The following CFH variants were observed in gnomAD, a reference collection of about 807,000 sequenced individuals.
The protein encoded by CFH is H factor 1 (complement).
In CFH, 53 loss-of-function variants were observed where a neutral mutation model predicts 147.3. The ratio of observed to expected loss-of-function variants is 0.36; its 90% CI spans 0.29 to 0.45. CFH has a LOEUF of 0.45. Among genes scored for constraint, CFH ranks in the 20% least tolerant of loss-of-function variants. The probability of loss-of-function intolerance (pLI) is 1.00; values close to 1 mark genes in which losing one functional copy is unlikely to be tolerated. For missense variants in CFH, 1,380 were observed against 1,498.0 expected, an observed-to-expected ratio of 0.92 and a Z score of 1.30; for synonymous variants, 536 against 489.4, an observed-to-expected ratio of 1.10 and a Z score of -1.26.
chr1:196,716,838 T>C (rs1424435572), intron 11 of CFH, among the ~76,000 whole-genome samples: 1 of 152,112 alleles, frequency 6.6e-6, no homozygotes, highest in Non-Finnish European at 1.5e-5. Flanking sequence ...AACTTTTGAC[T>C]TGGACACATT....
intron 1 of CFH, among the ~76,000 whole-genome samples, chr1:196,660,683 T>C (rs1666868127): frequency 6.6e-6 from 1 of 152,180 alleles, no homozygotes; most frequent in African/African-American, 2.4e-5. Flanking sequence ...ACCAGAATTT[T>C]AAGTACTATT....
At chr1:196,740,337 T>G (rs758119379) in intron 17 of CFH, among the ~76,000 whole-genome samples, 14 of 152,220 alleles carry the variant, frequency 9.2e-5, no homozygotes, top group Non-Finnish European at 1.8e-4. Flanking sequence ...TGTATCTTAT[T>G]ATCACTAGTA....
chr1:196,709,872 T>C (rs141642384), intron 9 of CFH, among the ~76,000 whole-genome samples: 6 of 152,074 alleles, frequency 3.9e-5, no homozygotes, highest in South Asian at 4.2e-4. Flanking sequence ...AGCCGGGCAT[T>C]ATGGCACAGG....
chr1:196,725,704 C>T (rs1669119790), intron 12 of CFH, among the ~76,000 whole-genome samples: 1 of 152,104 alleles, frequency 6.6e-6, no homozygotes, highest in Admixed American at 6.6e-5. Flanking sequence ...GCCACTGTGT[C>T]CAGAGAACAC....
chr1:196,703,436 A>AAT (rs1668509988), intron 9 of CFH, among the ~76,000 whole-genome samples: 1 of 152,160 alleles, frequency 6.6e-6, no homozygotes, highest in South Asian at 2.1e-4. Flanking sequence ...AAAAGACCAG[A>AAT]AATGGTAGCA....
chr1:196,672,066 G>A (rs931693091), intron 1 of CFH, among the ~76,000 whole-genome samples: 9 of 151,788 alleles, frequency 5.9e-5, no homozygotes, highest in Non-Finnish European at 1.0e-4. Context: ...ATGAGACAAC[G>A]GGAAAGTCAG....
chr1:196,726,563 A>C lies in CFH; in HGVS notation c.1967A>C (p.Glu656Ala). The C allele has an allele frequency of 6.2e-7, 1 of 1,612,744 alleles. No homozygotes were observed. The highest frequency in any genetic ancestry group is 8.5e-7 in the Non-Finnish European group (1 of 1,178,854). ...GAATATGGACACAGTGAAGTGGTGG[A>C]ATATTATTGCAATCCTAGATTTCTA... ...KEEYGHSEVV[E>A]YYCNPRFLMK... is the part of the protein sequence containing the mutation. The change falls in exon 13 of 22, where the codon GAA (glutamate) becomes GCA (alanine). Residue 656 changes from glutamate to alanine, a missense_variant. Coordinates refer to ENST00000367429, the MANE Select transcript of CFH (RefSeq NM_000186.4).
chr1:196,699,110 G>A (rs571996673), intron 9 of CFH, among the ~76,000 whole-genome samples: 3 of 152,140 alleles, frequency 2.0e-5, no homozygotes, highest in East Asian at 1.9e-4. Context: ...CTAAATATGT[G>A]TTCATTTTTA....
In CFH at chr1:196,671,745, T is replaced by C. The variant is rs181014934; in HGVS notation, c.59-1233T>C. On this transcript the variant is annotated intron_variant, in intron 1 of 21. Transcript: ENST00000367429. ...AGAAGAAGCCAACACATATATATTA[T>C]GTATGTGAGCATATGATATATATAT... Among the ~76,000 whole-genome samples the C allele has an allele frequency of 3.3e-3, 472 of 144,576 alleles. 3 individuals are homozygous for C. The highest frequency in any genetic ancestry group is 0.011 in the African/African-American group (448 of 40,822). The allele number at this position is 144,576 out of a possible 152,430, so 94.8% of individuals were successfully genotyped here.
chr1:196,703,511 A>G (rs529173566), intron 9 of CFH, among the ~76,000 whole-genome samples: 2 of 152,190 alleles, frequency 1.3e-5, no homozygotes, highest in Admixed American at 1.3e-4. Context: ...TGAGATCCTG[A>G]TGATGGTGAG....
chr1:196,676,162 T>C (rs1448063953), intron 4 of CFH, 97 bp downstream of exon 4: 2 of 715,926 alleles, frequency 2.8e-6, no homozygotes, highest in Non-Finnish European at 2.2e-6. Flanking sequence ...ATTAAATATT[T>C]TTATTTAATG....
At chr1:196,673,634 C>T (rs1439084621) in intron 2 of CFH, among the ~76,000 whole-genome samples, 1 of 152,022 alleles carries the variant, frequency 6.6e-6, no homozygotes, top group Non-Finnish European at 1.5e-5. Flanking sequence ...CCGTGCCCAG[C>T]CAATACATCA....
chr1:196,728,127 T>C (rs1669190192), intron 14 of CFH, among the ~76,000 whole-genome samples: 1 of 151,918 alleles, frequency 6.6e-6, no homozygotes, highest in African/African-American at 2.4e-5. Flanking sequence ...TGTCTTCTGA[T>C]AGGTATCTCT....
At chr1:196,711,094 T>C (rs999270161) in intron 9 of CFH, among the ~76,000 whole-genome samples, 8 of 152,164 alleles carry the variant, frequency 5.3e-5, no homozygotes, top group Non-Finnish European at 7.4e-5. Flanking sequence ...ATTTAGTCTG[T>C]CTAAAGGTTT....
chr1:196,742,208 C>T (rs551306452), intron 19 of CFH, among the ~76,000 whole-genome samples, 157 bp downstream of exon 19: 3 of 151,966 alleles, frequency 2.0e-5, no homozygotes, highest in Non-Finnish European at 2.9e-5. Context: ...AAACCCGTCT[C>T]TACTAAAAAT....
chr1:196,713,620 A>T, intron 9 of CFH, 115 bp from the exon 10 acceptor site: 1 of 710,366 alleles, frequency 1.4e-6, no homozygotes, highest in Non-Finnish European at 2.4e-6. Context: ...GCTTATGGTT[A>T]TCCAGGTTTT....
chr1:196,693,219 C>T (rs1189436244), intron 9 of CFH, among the ~76,000 whole-genome samples: 2 of 152,004 alleles, frequency 1.3e-5, no homozygotes, highest in Non-Finnish European at 2.9e-5. Context: ...TGAGTGAGTA[C>T]AGTAGATATA....
intron 2 of CFH, 77 bp from the exon 3 acceptor site, chr1:196,673,780 T>C (rs1667364058): frequency 1.0e-5 from 9 of 879,244 alleles, no homozygotes; most frequent in Non-Finnish European, 1.6e-5. Context: ...ATATCAAATA[T>C]ACTTGTTCCC....
intron 17 of CFH, 101 bp downstream of exon 17, chr1:196,737,761 T>A (rs987931902): frequency 1.2e-6 from 1 of 817,852 alleles, no homozygotes; most frequent in Non-Finnish European, 1.9e-6. Context: ...ACTGCATATA[T>A]AAAATAATTT....
Sources: allele counts gnomAD v4.1 joint callset (sites outside exome capture counted in the v4.1 genomes callset), GRCh38; gene constraint gnomAD v4.1.1; transcripts MANE v1.5; gene names NCBI Gene and HGNC (gene_info 2026-07-23, HGNC 2026-07-21).